The following MIPOL1 variants were observed in gnomAD, a reference collection of about 807,000 sequenced individuals.
The protein encoded by MIPOL1 is mirror-image polydactyly gene 1 protein.
A neutral mutation model predicts 60.9 loss-of-function variants in MIPOL1; 57 were observed. The ratio of observed to expected loss-of-function variants is 0.94; its 90% CI spans 0.76 to 1.17. The LOEUF (loss-of-function observed/expected upper bound fraction) is 1.17. Ranked by LOEUF, MIPOL1 falls within the 50% of genes most tolerant of loss-of-function variation. MIPOL1 has a pLI of 0.00. For missense variants in MIPOL1, 551 were observed against 511.6 expected, an observed-to-expected ratio of 1.08 and a Z score of -0.74; for synonymous variants, 179 against 168.8, an observed-to-expected ratio of 1.06 and a Z score of -0.47.
At chr14:37,237,858 A>G (rs985612267) in intron 1 of MIPOL1, among the ~76,000 whole-genome samples, 1 of 152,120 alleles carries the variant, frequency 6.6e-6, no homozygotes, top group Non-Finnish European at 1.5e-5. Context: ...TGGTCTCCAT[A>G]TTCTCGTGGA....
chr14:37,349,676 T>A, intron 9 of MIPOL1, among the ~76,000 whole-genome samples: 1 of 152,232 alleles, frequency 6.6e-6, no homozygotes, highest in South Asian at 2.1e-4. Context: ...ATTTCTTTAC[T>A]CTGTTGGCAC....
chr14:37,213,383 A>G (rs534131491), intron 1 of MIPOL1, among the ~76,000 whole-genome samples: 3 of 152,348 alleles, frequency 2.0e-5, no homozygotes, highest in Admixed American at 2.0e-4. Context: ...ATAATTAAGG[A>G]GAGTCAAGCA....
intron 6 of MIPOL1, among the ~76,000 whole-genome samples, chr14:37,274,337 C>T (rs2083494426): frequency 1.3e-5 from 2 of 151,376 alleles, no homozygotes; most frequent in South Asian, 4.1e-4. Context: ...TCAGCTCTGT[C>T]CCCTATCATG....
chr14:37,441,417 G>A (rs974863954), intron 11 of MIPOL1, among the ~76,000 whole-genome samples: 7 of 151,892 alleles, frequency 4.6e-5, no homozygotes, highest in South Asian at 2.1e-4. Context: ...TTTTCTATAC[G>A]GTGAGAGATA....
intron 11 of MIPOL1, among the ~76,000 whole-genome samples, chr14:37,479,200 A>G (rs2094823669): frequency 6.6e-6 from 1 of 152,174 alleles, no homozygotes; most frequent in African/African-American, 2.4e-5. Flanking sequence ...AAATGGAGCT[A>G]AGAGAAATAC....
chr14:37,459,494 T>A (rs989625590), intron 11 of MIPOL1, among the ~76,000 whole-genome samples: 2 of 152,090 alleles, frequency 1.3e-5, no homozygotes, highest in Non-Finnish European at 2.9e-5. Context: ...ATCAGACCTG[T>A]AATGAGTAAT....
intron 11 of MIPOL1, among the ~76,000 whole-genome samples, chr14:37,428,441 T>C (rs977562491): frequency 4.0e-5 from 6 of 151,884 alleles, no homozygotes; most frequent in Admixed American, 2.6e-4. Context: ...AAATACAAAA[T>C]TTAGCAAGGC....
chr14:37,309,457 C>G (rs1163562208), intron 9 of MIPOL1, among the ~76,000 whole-genome samples: 1 of 152,072 alleles, frequency 6.6e-6, no homozygotes, highest in Non-Finnish European at 1.5e-5. Flanking sequence ...CTACTCCTGT[C>G]ATAATTCTTG....
chr14:37,209,147 T>C (rs1055451863), intron 1 of MIPOL1, among the ~76,000 whole-genome samples: 1 of 152,190 alleles, frequency 6.6e-6, no homozygotes, highest in Non-Finnish European at 1.5e-5. Flanking sequence ...TTATATTTAG[T>C]TGTTATGTTT....
intron 9 of MIPOL1, among the ~76,000 whole-genome samples, chr14:37,349,910 C>T (rs182972095): frequency 1.0e-3 from 157 of 152,182 alleles, no homozygotes; most frequent in African/African-American, 3.6e-3. Context: ...TCAGAATAGA[C>T]GTTCCTTGGA....
intron 1 of MIPOL1, among the ~76,000 whole-genome samples, chr14:37,231,729 A>G (rs541530808): frequency 6.6e-6 from 1 of 152,302 alleles, no homozygotes; most frequent in South Asian, 2.1e-4. Context: ...TGGAACAATC[A>G]GTAAAGGTTA....
chr14:37,200,846 A>G (rs10135530), intron 1 of MIPOL1, among the ~76,000 whole-genome samples: 58 of 121,064 alleles, frequency 4.8e-4, no homozygotes, highest in Middle Eastern at 4.9e-3. Context: ...TACTATATCT[A>G]TCTATGTGTG....
At chr14:37,293,459 G>A (rs1389230238) in intron 7 of MIPOL1, among the ~76,000 whole-genome samples, 1 of 152,060 alleles carries the variant, frequency 6.6e-6, no homozygotes, top group African/African-American at 2.4e-5. Flanking sequence ...CAGACAGTGG[G>A]TGCAGGACAG....
intron 11 of MIPOL1, among the ~76,000 whole-genome samples, chr14:37,446,705 A>G (rs1474872998): frequency 6.6e-6 from 1 of 152,192 alleles, no homozygotes. Flanking sequence ...CTGGATTAAG[A>G]AAATGTGGCA....
At chr14:37,293,761 G>T (rs959711256) in intron 7 of MIPOL1, among the ~76,000 whole-genome samples, 2 of 152,156 alleles carry the variant, frequency 1.3e-5, no homozygotes, top group African/African-American at 4.8e-5. Context: ...AGGCTTTGGT[G>T]GGGGGTGCCC....
intron 10 of MIPOL1, among the ~76,000 whole-genome samples, chr14:37,420,997 A>C (rs2093863586): frequency 1.3e-5 from 2 of 152,184 alleles, no homozygotes; most frequent in Admixed American, 6.6e-5. Context: ...CTAGGAAAAA[A>C]ATTAGATACT....
chr14:37,493,850 T>C (rs2095080232), intron 11 of MIPOL1, among the ~76,000 whole-genome samples: 1 of 152,226 alleles, frequency 6.6e-6, no homozygotes, highest in East Asian at 1.9e-4. Flanking sequence ...AGTGACTCTT[T>C]GGCTGTTATT....
At chr14:37,540,323 A>G (rs558933923) in intron 12 of MIPOL1, among the ~76,000 whole-genome samples, 2 of 151,884 alleles carry the variant, frequency 1.3e-5, no homozygotes, top group Non-Finnish European at 2.9e-5. Context: ...CCTTTCTCTT[A>G]TCAATTTCAT....
chr14:37,526,490 C>G (rs2095447836), intron 12 of MIPOL1, among the ~76,000 whole-genome samples: 1 of 151,420 alleles, frequency 6.6e-6, no homozygotes, highest in African/African-American at 2.4e-5. Context: ...CTGCCTCAGC[C>G]CCCCAAGTAG....
Sources: allele counts gnomAD v4.1 joint callset (sites outside exome capture counted in the v4.1 genomes callset), GRCh38; gene constraint gnomAD v4.1.1; transcripts MANE v1.5; gene names NCBI Gene and HGNC (gene_info 2026-07-23, HGNC 2026-07-21).